ZNF892: variants seen among roughly 807,000 people sequenced by gnomAD.
The protein encoded by ZNF892 is zinc finger protein 570-like.
At chr2:95,255,656 TC>T in the ZNF892 span, among the ~76,000 whole-genome samples, 1 of 152,220 alleles carries the variant, frequency 6.6e-6, no homozygotes, top group Non-Finnish European at 1.5e-5. Context: ...GTCTCATTGA[TC>T]TGTCTAATGT....
chr2:95,259,173 G>A, the ZNF892 span: 7 of 152,328 alleles, frequency 4.6e-5, no homozygotes, highest in Non-Finnish European at 7.3e-5. Flanking sequence ...CCTGTTTTCC[G>A]GGAAAGAAGG....
the ZNF892 span, among the ~76,000 whole-genome samples, chr2:95,245,180 C>T: frequency 6.6e-6 from 1 of 151,114 alleles, no homozygotes; most frequent in Non-Finnish European, 1.5e-5. Flanking sequence ...TAACCAAGCT[C>T]AGAGGGAAAC....
chr2:95,207,552 G>C, the ZNF892 span: 2 of 362,774 alleles, frequency 5.5e-6, no homozygotes, highest in Non-Finnish European at 9.8e-6. Flanking sequence ...GGCGCTAGGC[G>C]TCCCCGCCGG....
At chr2:95,249,229 ATATTTTTT>A in the ZNF892 span, among the ~76,000 whole-genome samples, 4 of 70,626 alleles carry the variant, frequency 5.7e-5, no homozygotes, top group African/African-American at 1.5e-4. Context: ...ATATATATAT[ATATTTTTT>A]TTTTTTTTTT....
chr2:95,252,558 T>G, the ZNF892 span, among the ~76,000 whole-genome samples: 1 of 152,090 alleles, frequency 6.6e-6, no homozygotes, highest in Admixed American at 6.6e-5. Context: ...GTGTGCATGT[T>G]TCTTTATAGC....
chr2:95,255,701 T>G, the ZNF892 span, among the ~76,000 whole-genome samples: 1 of 152,186 alleles, frequency 6.6e-6, no homozygotes, highest in East Asian at 1.9e-4. Flanking sequence ...CCATTATTAT[T>G]GTGTGGGAGT....
chr2:95,261,469 A>G, the ZNF892 span, among the ~76,000 whole-genome samples: 1 of 151,972 alleles, frequency 6.6e-6, no homozygotes, highest in Non-Finnish European at 1.5e-5. Context: ...TAATTTTTAT[A>G]GTTTTAGTAG....
chr2:95,255,920 G>T, the ZNF892 span, among the ~76,000 whole-genome samples: 9 of 151,528 alleles, frequency 5.9e-5, no homozygotes, highest in African/African-American at 1.7e-4. Context: ...TTTTTTGTTT[G>T]CCATTTGCTT....
the ZNF892 span, among the ~76,000 whole-genome samples, chr2:95,210,606 C>G: frequency 6.6e-6 from 1 of 152,172 alleles, no homozygotes; most frequent in Non-Finnish European, 1.5e-5. Flanking sequence ...CCCATGCACA[C>G]GTTTATAGAA....
chr2:95,222,360 A>G, the ZNF892 span, among the ~76,000 whole-genome samples: 4 of 152,204 alleles, frequency 2.6e-5, no homozygotes, highest in Admixed American at 2.0e-4. Flanking sequence ...ATTGGAGTGA[A>G]ATGGTTAGGT....
the ZNF892 span, among the ~76,000 whole-genome samples, chr2:95,240,779 G>A: frequency 6.6e-6 from 1 of 152,176 alleles, no homozygotes; most frequent in Non-Finnish European, 1.5e-5. Context: ...CCAGGGGCGG[G>A]GCAGCTGAAC....
chr2:95,237,643 G>T, the ZNF892 span, among the ~76,000 whole-genome samples: 1 of 152,210 alleles, frequency 6.6e-6, no homozygotes, highest in African/African-American at 2.4e-5. Context: ...AAATGATCAA[G>T]CTTAGTGAGG....
At chr2:95,244,561 A>G in the ZNF892 span, among the ~76,000 whole-genome samples, 1 of 152,200 alleles carries the variant, frequency 6.6e-6, no homozygotes, top group Admixed American at 6.5e-5. Context: ...AGAGACCTAC[A>G]AAGAAACTTA....
At chr2:95,212,952 A>T in the ZNF892 span, among the ~76,000 whole-genome samples, 2 of 152,212 alleles carry the variant, frequency 1.3e-5, no homozygotes, top group African/African-American at 4.8e-5. Flanking sequence ...AACTTTTTTG[A>T]AAGATGTTAT....
the ZNF892 span, among the ~76,000 whole-genome samples, chr2:95,241,259 C>A: frequency 6.6e-6 from 1 of 152,216 alleles, no homozygotes; most frequent in Non-Finnish European, 1.5e-5. Context: ...GTCAGCACCC[C>A]CCTGGGATGG....
At chr2:95,250,286 T>TA in the ZNF892 span, among the ~76,000 whole-genome samples, 1 of 151,984 alleles carries the variant, frequency 6.6e-6, no homozygotes, top group Non-Finnish European at 1.5e-5. Context: ...ACTTGATTAG[T>TA]AAACCCAGGT....
the ZNF892 span, among the ~76,000 whole-genome samples, chr2:95,219,579 G>A: frequency 1.3e-5 from 2 of 152,100 alleles, no homozygotes; most frequent in African/African-American, 4.8e-5. Flanking sequence ...TGACATCTTT[G>A]GGTTATCTTC....
the ZNF892 span, among the ~76,000 whole-genome samples, chr2:95,240,654 G>A: frequency 6.6e-6 from 1 of 152,208 alleles, no homozygotes; most frequent in Non-Finnish European, 1.5e-5. Context: ...GAGCCAAGCA[G>A]TATCATTCTG....
At chr2:95,243,899 AAG>A in the ZNF892 span, among the ~76,000 whole-genome samples, 1 of 152,222 alleles carries the variant, frequency 6.6e-6, no homozygotes, top group East Asian at 1.9e-4. Flanking sequence ...GTGGAATAGA[AAG>A]GGGGGAAGGT....
Sources: gnomAD v4.1 joint callset for allele counts (sites outside exome capture counted in the v4.1 genomes callset) on GRCh38, gnomAD v4.1.1 for gene constraint, MANE v1.5 for transcripts, NCBI Gene and HGNC (gene_info 2026-07-23, HGNC 2026-07-21) for gene names.